The following COL22A1 variants were observed in gnomAD, a reference collection of about 807,000 sequenced individuals.
COL22A1 encodes the protein collagen alpha-1(XXII) chain.
In COL22A1, 221 loss-of-function variants were observed where a neutral mutation model predicts 248.9. The observed-to-expected ratio is 0.89, with a 90% CI of 0.80 to 0.99. The LOEUF (loss-of-function observed/expected upper bound fraction) is 0.99. Ranked by LOEUF, COL22A1 falls within the 50% of genes least tolerant of loss-of-function variation. The pLI, the probability that COL22A1 is intolerant of heterozygous loss-of-function variation, is 0.00. For synonymous variants in COL22A1, 891 were observed against 793.4 expected, an observed-to-expected ratio of 1.12 and a Z score of -2.07; for missense variants, 2,240 against 2,179.0, an observed-to-expected ratio of 1.03 and a Z score of -0.56.
intron 55 of COL22A1, among the ~76,000 whole-genome samples, chr8:138,615,230 T>C (rs1819215417): frequency 6.6e-6 from 1 of 152,142 alleles, no homozygotes; most frequent in African/African-American, 2.4e-5. Context: ...ACACCTGGGG[T>C]CAAAATTTCC....
chr8:138,669,195 A>ACCAGAGG (rs1025617052), intron 41 of COL22A1, among the ~76,000 whole-genome samples: 1 of 152,174 alleles, frequency 6.6e-6, no homozygotes, highest in Non-Finnish European at 1.5e-5. Flanking sequence ...GAGGGAACAG[A>ACCAGAGG]CCAGAGGCCA....
At chr8:138,787,306 G>T (rs1426023141) in intron 12 of COL22A1, among the ~76,000 whole-genome samples, 3 of 152,110 alleles carry the variant, frequency 2.0e-5, no homozygotes, top group Non-Finnish European at 4.4e-5. Flanking sequence ...AGTAAGCAAA[G>T]AAGAGAGAGA....
At chr8:138,659,937 G>A (rs1026686629) in intron 44 of COL22A1, among the ~76,000 whole-genome samples, 1 of 152,212 alleles carries the variant, frequency 6.6e-6, no homozygotes, top group Non-Finnish European at 1.5e-5. Context: ...TAGGAAACGG[G>A]CAAGTTAGGG....
intron 37 of COL22A1, among the ~76,000 whole-genome samples, chr8:138,687,673 C>T (rs1826470559): frequency 6.6e-6 from 1 of 152,180 alleles, no homozygotes; most frequent in African/African-American, 2.4e-5. Flanking sequence ...CACATGACTC[C>T]CCAATTCCTC....
chr8:138,757,776 C>G (rs1833141589), intron 18 of COL22A1, among the ~76,000 whole-genome samples: 1 of 152,218 alleles, frequency 6.6e-6, no homozygotes, highest in Non-Finnish European at 1.5e-5. Flanking sequence ...GGTCAGAAGT[C>G]TAGTACATAA....
At chr8:138,749,992 T>C (rs1184198748) in intron 22 of COL22A1, among the ~76,000 whole-genome samples, 2 of 152,164 alleles carry the variant, frequency 1.3e-5, no homozygotes, top group Non-Finnish European at 1.5e-5. Context: ...GTGATTGAAT[T>C]ATGGGGGAAG....
chr8:138,848,924 A>T (rs1821435273), intron 3 of COL22A1, among the ~76,000 whole-genome samples: 1 of 152,316 alleles, frequency 6.6e-6, no homozygotes, highest in South Asian at 2.1e-4. Flanking sequence ...GACAGGAAGC[A>T]ATCACGGCTC....
intron 35 of COL22A1, among the ~76,000 whole-genome samples, chr8:138,692,491 G>C (rs1249132614): frequency 1.5e-5 from 2 of 137,130 alleles, no homozygotes; most frequent in Non-Finnish European, 3.2e-5. Context: ...GTGTGTGTGT[G>C]TGTGTGTGTG....
intron 27 of COL22A1, among the ~76,000 whole-genome samples, chr8:138,717,390 G>T (rs1829526283): frequency 6.6e-6 from 1 of 152,074 alleles, no homozygotes; most frequent in South Asian, 2.1e-4. Flanking sequence ...CTCGTGATCA[G>T]CCTGCCTCGG....
chr8:138,612,935 C>CAAAAA (rs56824708), intron 56 of COL22A1, among the ~76,000 whole-genome samples: 1 of 40,904 alleles, frequency 2.4e-5, no homozygotes, highest in Non-Finnish European at 3.9e-5. Flanking sequence ...GACTCCATCT[C>CAAAAA]AAAAAAAAAA....
chr8:138,649,860 G>T, intron 45 of COL22A1, 82 bp from the exon 46 acceptor site: 7 of 811,402 alleles, frequency 8.6e-6, no homozygotes, highest in Non-Finnish European at 1.3e-5. Flanking sequence ...AGCCCTGGCT[G>T]CTATCTCTCC....
chr8:138,778,503 C>T, intron 14 of COL22A1, 97 bp from the exon 15 acceptor site: 3 of 1,116,762 alleles, frequency 2.7e-6, no homozygotes, highest in Non-Finnish European at 2.5e-6. Context: ...GTGACAAGAG[C>T]TGCTAGCTCA....
intron 12 of COL22A1, among the ~76,000 whole-genome samples, chr8:138,786,898 C>A (rs1245354442): frequency 6.6e-6 from 1 of 152,076 alleles, no homozygotes; most frequent in African/African-American, 2.4e-5. Flanking sequence ...GGCGACAGAG[C>A]TAGACACCAT....
chr8:138,811,280 C>T lies in COL22A1; in HGVS notation c.1449+519G>A, dbSNP rs1419349420. On this transcript the variant is annotated intron_variant, in intron 9 of 64. Transcript: ENST00000303045. ...CTCTACATATATATATATACACACA[C>T]ACACACACACACACATATATATATA... 2.1e-3 allele frequency among the ~76,000 whole-genome samples: 247 copies of T among 115,844 alleles called. 2 individuals are homozygous for T. The highest frequency in any genetic ancestry group is 5.5e-3 in the East Asian group (25 of 4,538). 76.0% of individuals were successfully genotyped at this position (115,844 alleles called of 152,430 possible).
intron 12 of COL22A1, among the ~76,000 whole-genome samples, chr8:138,796,133 G>T (rs1249411907): frequency 6.6e-6 from 1 of 151,928 alleles, no homozygotes; most frequent in Non-Finnish European, 1.5e-5. Flanking sequence ...ATTTTTAGTG[G>T]CTCTCTGCTT....
chr8:138,736,174 G>A (rs80307717), intron 23 of COL22A1, among the ~76,000 whole-genome samples: 1,704 of 151,906 alleles, frequency 0.011, 28 homozygotes, highest in African/African-American at 0.038. Flanking sequence ...TTTTTATGGC[G>A]AGAGCTGAGC....
chr8:138,805,029 T>TGGTGTGTGTGTGTG (rs1817367863), intron 10 of COL22A1, among the ~76,000 whole-genome samples: 1 of 53,662 alleles, frequency 1.9e-5, no homozygotes, highest in Non-Finnish European at 3.5e-5. Flanking sequence ...GTGTGTGTGA[T>TGGTGTGTGTGTGTG]AGTGTGTGTG....
At chr8:138,830,643 G>T (rs148582943) in intron 5 of COL22A1, among the ~76,000 whole-genome samples, 3 of 152,158 alleles carry the variant, frequency 2.0e-5, no homozygotes, top group Non-Finnish European at 4.4e-5. Context: ...GCCTGAATTC[G>T]GCCGCTTTGC....
intron 42 of COL22A1, 65 bp from the exon 43 acceptor site, chr8:138,662,148 C>T: frequency 7.2e-7 from 1 of 1,396,866 alleles, no homozygotes; most frequent in South Asian, 1.2e-5. Flanking sequence ...ACACACCCTC[C>T]TTGGCAATAG....
Sources: gnomAD v4.1 joint callset for allele counts (sites outside exome capture counted in the v4.1 genomes callset) on GRCh38, gnomAD v4.1.1 for gene constraint, MANE v1.5 for transcripts, NCBI Gene and HGNC (gene_info 2026-07-23, HGNC 2026-07-21) for gene names.